The following NELL2 variants were observed in gnomAD, a reference collection of about 807,000 sequenced individuals.
NELL2 encodes the protein protein kinase C-binding protein NELL2.
A neutral mutation model predicts 109.6 loss-of-function variants in NELL2; 41 were observed. The ratio of observed to expected loss-of-function variants is 0.37; its 90% confidence interval spans 0.29 to 0.49. NELL2 has a LOEUF of 0.49. Ranked by LOEUF, NELL2 falls within the 20% of genes least tolerant of loss-of-function variation. NELL2 has a pLI of 0.98. For synonymous variants in NELL2, 355 were observed against 344.7 expected (o/e 1.03, Z -0.33); for missense variants, 900 against 1,008.3 (o/e 0.89, Z 1.45).
intron 19 of NELL2, among the ~76,000 whole-genome samples, chr12:44,514,109 A>G (rs1035352783): frequency 1.3e-5 from 2 of 151,922 alleles, no homozygotes; most frequent in African/African-American, 4.8e-5. Context: ...GGAAACTAGA[A>G]AATAATAGAA....
In NELL2 at chr12:44,670,735, A is replaced by G. The variant is rs1357332987; in HGVS notation, c.1319-5126T>C. 3.3e-5 allele frequency among the ~76,000 whole-genome samples: 5 copies of G among 151,920 alleles called. No individual in the cohort carries two copies. The South Asian group carries it at 6.2e-4, about 19-fold the overall frequency. On this transcript the variant is annotated intron_variant, in intron 12 of 19. Transcript: ENST00000429094. ...GTCAATATAGATGACAAAGGAATCA[A>G]TTCAGTAGGAAGATACAACAATTGT...
chr12:44,566,513 C>T (rs1943662999), intron 15 of NELL2, among the ~76,000 whole-genome samples: 1 of 143,046 alleles, frequency 7.0e-6, no homozygotes, highest in Non-Finnish European at 1.5e-5. Flanking sequence ...TGCATCTACA[C>T]TAGTAGATAT....
chr12:44,715,361 T>C (rs967950602), intron 9 of NELL2, among the ~76,000 whole-genome samples: 1 of 150,690 alleles, frequency 6.6e-6, no homozygotes, highest in Non-Finnish European at 1.5e-5. Flanking sequence ...TTAGATTCCA[T>C]GGGAAAAATA....
In NELL2 at chr12:44,539,410, G is replaced by A. The variant is rs533039018; in HGVS notation, c.1664-6689C>T. Among the ~76,000 whole-genome samples, 34 of 152,102 alleles carry A rather than the reference G, an allele frequency of 2.2e-4. No individual in the cohort carries two copies. In the East Asian group the frequency reaches 3.7e-3, roughly 16 times the overall value. On this transcript the variant is annotated intron_variant, in intron 15 of 19. Transcript: ENST00000429094. Reference sequence around the variant, plus strand: ...GATGCCTTCATTGATTCTATATATCGACTTTGGGAGAATTGAAATCTTTAT... The same window carrying A: ...GATGCCTTCATTGATTCTATATATCAACTTTGGGAGAATTGAAATCTTTAT...
intron 2 of NELL2, among the ~76,000 whole-genome samples, chr12:44,871,626 T>C (rs1047600166): frequency 2.0e-5 from 3 of 152,146 alleles, no homozygotes; most frequent in South Asian, 2.1e-4. Flanking sequence ...CACTTCAAAG[T>C]CCACAGATGC....
chr12:44,741,998 T>C (rs1334231358), intron 9 of NELL2, among the ~76,000 whole-genome samples: 3 of 152,216 alleles, frequency 2.0e-5, no homozygotes, highest in Non-Finnish European at 4.4e-5. Flanking sequence ...ATCTTAGAAC[T>C]GGCAGACTGC....
intron 1 of NELL2, among the ~76,000 whole-genome samples, chr12:44,888,710 G>A (rs1945501957): frequency 2.0e-5 from 3 of 151,742 alleles, no homozygotes; most frequent in African/African-American, 7.3e-5. Flanking sequence ...TCTTATTCAC[G>A]TGTCGACAAT....
At chr12:44,831,070 A>G (rs1273369872) in intron 2 of NELL2, among the ~76,000 whole-genome samples, 1 of 151,922 alleles carries the variant, frequency 6.6e-6, no homozygotes, top group Non-Finnish European at 1.5e-5. Flanking sequence ...CACCAGCCCC[A>G]TCTTACCACC....
intron 13 of NELL2, among the ~76,000 whole-genome samples, chr12:44,635,800 G>GT (rs1212688325): frequency 6.6e-6 from 1 of 152,108 alleles, no homozygotes; most frequent in Non-Finnish European, 1.5e-5. Context: ...ATTTAAACTA[G>GT]TTTTTTCTAA....
intron 15 of NELL2, among the ~76,000 whole-genome samples, chr12:44,600,611 A>G (rs1334828005): frequency 6.6e-5 from 10 of 152,190 alleles, no homozygotes; most frequent in Non-Finnish European, 4.4e-5. Context: ...ACATGGGGGC[A>G]CCCCCCAAAA....
chr12:44,701,972 G>A (rs1295508859), intron 12 of NELL2, among the ~76,000 whole-genome samples: 3 of 152,064 alleles, frequency 2.0e-5, no homozygotes, highest in African/African-American at 4.8e-5. Context: ...GCTCCACTAC[G>A]TTTTCCTTCA....
chr12:44,860,795 G>A lies in NELL2; in HGVS notation c.184+14430C>T, dbSNP rs1424677529. Among the ~76,000 whole-genome samples the A allele has an allele frequency of 2.6e-5, 4 of 152,108 alleles. 1 individual carries two copies. Among genetic ancestry groups the A allele is most frequent in the Non-Finnish European group, 5.9e-5 (4 of 68,026 alleles). On this transcript the variant is annotated intron_variant, in intron 2 of 19. Transcript: ENST00000429094. ...ACATAACAATATATTCACTGATTCT[G>A]GGGATTAGTATGTGGACAGCTGACT...
chr12:44,604,210 G>A (rs2136242581), intron 15 of NELL2, among the ~76,000 whole-genome samples: 1 of 151,860 alleles, frequency 6.6e-6, no homozygotes, highest in East Asian at 1.9e-4. Context: ...GAAGGAGGGA[G>A]GAAGGCAGGA....
chr12:44,824,846 G>T (rs1173387388), intron 2 of NELL2, among the ~76,000 whole-genome samples: 1 of 150,748 alleles, frequency 6.6e-6, no homozygotes. Flanking sequence ...AAGTAGCTGG[G>T]ACTACAGGCA....
At chr12:44,915,136 C>T (rs1816182585), upstream of NELL2, among the ~76,000 whole-genome samples, 1 of 152,150 alleles carries the variant, frequency 6.6e-6, no homozygotes, top group African/African-American at 2.4e-5. Context: ...CTGGCGTGAG[C>T]CACCGCGCCT....
At chr12:44,648,958 G>T (rs1260173324) in intron 13 of NELL2, among the ~76,000 whole-genome samples, 2 of 133,856 alleles carry the variant, frequency 1.5e-5, no homozygotes, top group Non-Finnish European at 3.2e-5. Flanking sequence ...TAGAGACAGG[G>T]TTTCACCATG....
intron 13 of NELL2, among the ~76,000 whole-genome samples, chr12:44,620,797 G>A (rs903293095): frequency 3.3e-5 from 5 of 151,950 alleles, no homozygotes; most frequent in Admixed American, 2.6e-4. Context: ...GCCCCAAACT[G>A]GGCACTAAAT....
chr12:44,518,090 A>G (rs1462601862), intron 19 of NELL2, among the ~76,000 whole-genome samples: 1 of 152,192 alleles, frequency 6.6e-6, no homozygotes, highest in Non-Finnish European at 1.5e-5. Flanking sequence ...GATAAAGAAA[A>G]TAGTATTTAA....
intron 1 of NELL2, among the ~76,000 whole-genome samples, chr12:44,908,941 T>C (rs937388459): frequency 6.6e-6 from 1 of 152,000 alleles, no homozygotes; most frequent in Non-Finnish European, 1.5e-5. Flanking sequence ...TTAGATTTAC[T>C]TTAAAAGTGT....
Sources: gnomAD v4.1 joint callset for allele counts (sites outside exome capture counted in the v4.1 genomes callset) on GRCh38, gnomAD v4.1.1 for gene constraint, MANE v1.5 for transcripts, NCBI Gene and HGNC (gene_info 2026-07-23, HGNC 2026-07-21) for gene names.